ADGRL2: variants seen among roughly 807,000 people sequenced by gnomAD.
ADGRL2 encodes the protein calcium-independent alpha-latrotoxin receptor 2.
Under a neutral mutation model 157.4 loss-of-function variants are expected in ADGRL2, and 44 were observed. The ratio of observed to expected loss-of-function variants is 0.28; its 90% CI spans 0.22 to 0.36. ADGRL2 has a LOEUF of 0.36. Among genes scored for constraint, ADGRL2 ranks in the 10% least tolerant of loss-of-function variants. The probability of loss-of-function intolerance (pLI) is 1.00; values close to 1 mark genes in which losing one functional copy is unlikely to be tolerated. For missense variants in ADGRL2, 1,510 were observed against 1,768.9 expected, an observed-to-expected ratio of 0.85 and a Z score of 2.63; for synonymous variants, 585 against 624.7, an observed-to-expected ratio of 0.94 and a Z score of 0.95.
At chr1:81,748,964 G>A (rs907377216) in intron 1 of ADGRL2, among the ~76,000 whole-genome samples, 10 of 151,954 alleles carry the variant, frequency 6.6e-5, no homozygotes, top group Admixed American at 2.6e-4. Flanking sequence ...CACTGTGCCC[G>A]GCCTCATTCT....
At chr1:81,752,478 G>A (rs901421071) in intron 1 of ADGRL2, among the ~76,000 whole-genome samples, 1 of 152,176 alleles carries the variant, frequency 6.6e-6, no homozygotes, top group Non-Finnish European at 1.5e-5. Flanking sequence ...CATTTCCAAT[G>A]AAAACAATTA....
intron 2 of ADGRL2, among the ~76,000 whole-genome samples, chr1:81,551,196 G>C (rs902436703): frequency 6.6e-6 from 1 of 152,188 alleles, no homozygotes; most frequent in African/African-American, 2.4e-5. Context: ...CCAGATGCTT[G>C]ATAGGAAATG....
intron 3 of ADGRL2, among the ~76,000 whole-genome samples, chr1:81,916,784 A>G (rs2094864872): frequency 6.6e-6 from 1 of 151,990 alleles, no homozygotes; most frequent in Non-Finnish European, 1.5e-5. Context: ...TTTCCATTCT[A>G]ATTATTCTTG....
At chr1:81,713,230 G>C (rs886610813) in intron 1 of ADGRL2, among the ~76,000 whole-genome samples, 2 of 152,086 alleles carry the variant, frequency 1.3e-5, no homozygotes, top group African/African-American at 4.8e-5. Flanking sequence ...TGCATTGAGG[G>C]AACTTTTGAG....
intron 2 of ADGRL2, among the ~76,000 whole-genome samples, chr1:81,460,744 G>A (rs1001661893): frequency 9.2e-5 from 14 of 152,220 alleles, no homozygotes; most frequent in Admixed American, 7.8e-4. Context: ...TAGAAATTTC[G>A]ATCTCCTGGG....
intron 1 of ADGRL2, among the ~76,000 whole-genome samples, chr1:81,358,042 A>G (rs748566088): frequency 7.2e-5 from 11 of 152,234 alleles, no homozygotes; most frequent in Admixed American, 2.0e-4. Flanking sequence ...AAGTCATTAT[A>G]CACATTAAAC....
chr1:81,725,410 G>A (rs1423139960), intron 1 of ADGRL2, among the ~76,000 whole-genome samples: 1 of 151,662 alleles, frequency 6.6e-6, no homozygotes, highest in African/African-American at 2.4e-5. Flanking sequence ...GTGGTAGCAG[G>A]CGCCTGTAAT....
chr1:81,673,640 A>T (rs1485349862), intron 3 of ADGRL2, among the ~76,000 whole-genome samples: 1 of 148,826 alleles, frequency 6.7e-6, no homozygotes, highest in Admixed American at 6.8e-5. Flanking sequence ...TCAGCCTCCC[A>T]AGGAGCTGGG....
chr1:81,977,167 T>C (rs1375147883), intron 17 of ADGRL2, among the ~76,000 whole-genome samples: 1 of 151,848 alleles, frequency 6.6e-6, no homozygotes, highest in Non-Finnish European at 1.5e-5. Flanking sequence ...GTAAAACGGG[T>C]ATACAAGTGC....
intron 2 of ADGRL2, among the ~76,000 whole-genome samples, chr1:81,558,283 G>C (rs544488486): frequency 1.3e-5 from 2 of 152,076 alleles, no homozygotes; most frequent in African/African-American, 4.8e-5. Context: ...AGGAGAAAAG[G>C]AACTAAGAAC....
At chr1:81,618,329 G>C (rs1049865068) in intron 3 of ADGRL2, among the ~76,000 whole-genome samples, 26 of 152,102 alleles carry the variant, frequency 1.7e-4, no homozygotes, top group African/African-American at 6.3e-4. Context: ...CCTTGCTGTA[G>C]CTCATGATAC....
At chr1:81,794,230 A>G (rs745780391) in intron 2 of ADGRL2, among the ~76,000 whole-genome samples, 1 of 152,150 alleles carries the variant, frequency 6.6e-6, no homozygotes, top group Non-Finnish European at 1.5e-5. Flanking sequence ...TTGGGCTACT[A>G]ATTAGGGTAG....
chr1:81,621,035 TGTGTCTTTTTCCCCCATATCATG>T (rs2148710227), intron 3 of ADGRL2, among the ~76,000 whole-genome samples: 1 of 152,278 alleles, frequency 6.6e-6, no homozygotes, highest in East Asian at 1.9e-4. Context: ...GCAGGAGTGT[TGTGTCTTTTTCCCCCATATCATG>T]GTGCTTTTGC....
chr1:81,966,705 G>A, intron 13 of ADGRL2, 96 bp downstream of exon 13: 1 of 1,004,994 alleles, frequency 1.0e-6, no homozygotes, highest in East Asian at 2.4e-5. Context: ...GAGAACTGGG[G>A]AGATGGGAGG....
At chr1:81,536,586 G>A (rs759833588) in intron 2 of ADGRL2, among the ~76,000 whole-genome samples, 24 of 151,984 alleles carry the variant, frequency 1.6e-4, no homozygotes, top group Admixed American at 2.6e-4. Flanking sequence ...AAACTCACTC[G>A]GTTTCCATGA....
intron 1 of ADGRL2, among the ~76,000 whole-genome samples, chr1:81,315,811 C>T (rs1291415132): frequency 6.6e-6 from 1 of 151,700 alleles, no homozygotes; most frequent in Non-Finnish European, 1.5e-5. Flanking sequence ...ATATGTCTGT[C>T]TGAAAGTAAC....
chr1:81,816,708 T>C (rs1367504754), intron 1 of ADGRL2, among the ~76,000 whole-genome samples: 1 of 152,020 alleles, frequency 6.6e-6, no homozygotes, highest in East Asian at 1.9e-4. Flanking sequence ...CTTTCATGTT[T>C]GGCATTATTC....
At chr1:81,726,280 C>A (rs778637507) in intron 1 of ADGRL2, among the ~76,000 whole-genome samples, 2 of 152,152 alleles carry the variant, frequency 1.3e-5, no homozygotes, top group Non-Finnish European at 2.9e-5. Context: ...GTCATACATC[C>A]TTCCCTGGAC....
chr1:81,632,284 C>T (rs184279387), intron 3 of ADGRL2, among the ~76,000 whole-genome samples: 17 of 152,190 alleles, frequency 1.1e-4, no homozygotes, highest in Admixed American at 3.3e-4. Flanking sequence ...GGATAAAGAG[C>T]GACAGAGTCA....
Sources: allele counts gnomAD v4.1 joint callset (sites outside exome capture counted in the v4.1 genomes callset), GRCh38; gene constraint gnomAD v4.1.1; transcripts MANE v1.5; gene names NCBI Gene and HGNC (gene_info 2026-07-23, HGNC 2026-07-21).